The following LHFPL6 variants were observed in gnomAD, a reference collection of about 807,000 sequenced individuals.
LHFPL6 encodes LHFPL tetraspan subfamily member 6.
LHFPL6 carries 9 observed loss-of-function variants against 20.6 expected under a neutral mutation model. The ratio of observed to expected loss-of-function variants is 0.44; its 90% CI spans 0.26 to 0.76. The LOEUF (loss-of-function observed/expected upper bound fraction) is 0.76, where lower values mean the gene tolerates loss of function less well. Among genes scored for constraint, LHFPL6 ranks in the 30% least tolerant of loss-of-function variants. The pLI is 0.20. For missense variants in LHFPL6, 218 were observed against 253.5 expected (o/e 0.86, Z 0.95); for synonymous variants, 105 against 98.7 (o/e 1.06, Z -0.38).
At chr13:39,536,891 T>C (rs1162195922) in intron 2 of LHFPL6, among the ~76,000 whole-genome samples, 1 of 152,146 alleles carries the variant, frequency 6.6e-6, no homozygotes, top group Admixed American at 6.5e-5. Flanking sequence ...CAATGAAGCA[T>C]GATTTGTTAT....
At chr13:39,474,489 C>T (rs8002946) in intron 2 of LHFPL6, among the ~76,000 whole-genome samples, 19,879 of 151,972 alleles carry the variant, frequency 0.13, 2,705 homozygotes, top group African/African-American at 0.33. Flanking sequence ...ATATTGTTTT[C>T]CCCTTCAACT....
chr13:39,412,965 C>G (rs1053340255), intron 2 of LHFPL6, among the ~76,000 whole-genome samples: 1 of 151,586 alleles, frequency 6.6e-6, no homozygotes, highest in African/African-American at 2.4e-5. Context: ...AGCAAGGGAA[C>G]CTGAACCCAT....
intron 3 of LHFPL6, among the ~76,000 whole-genome samples, chr13:39,377,554 G>A (rs1356439216): frequency 6.6e-6 from 1 of 152,120 alleles, no homozygotes; most frequent in Non-Finnish European, 1.5e-5. Flanking sequence ...TAGACTAAAT[G>A]CCCAGCTAGA....
At chr13:39,375,268 C>G (rs904795739) in intron 3 of LHFPL6, among the ~76,000 whole-genome samples, 5 of 152,212 alleles carry the variant, frequency 3.3e-5, no homozygotes, top group Non-Finnish European at 5.9e-5. Flanking sequence ...TGCAGCCCAC[C>G]AGCTACAGTT....
intron 2 of LHFPL6, among the ~76,000 whole-genome samples, chr13:39,512,373 C>T (rs1198650496): frequency 1.3e-5 from 2 of 152,066 alleles, no homozygotes; most frequent in Non-Finnish European, 2.9e-5. Flanking sequence ...GAGGCGGAGG[C>T]GTGTGGATCA....
At chr13:39,561,959 T>A (rs961302571) in intron 2 of LHFPL6, among the ~76,000 whole-genome samples, 2 of 152,206 alleles carry the variant, frequency 1.3e-5, no homozygotes, top group Non-Finnish European at 2.9e-5. Flanking sequence ...CTAAAACTCA[T>A]ACATAGTCAA....
chr13:39,389,717 G>A (rs1333533082), intron 2 of LHFPL6, among the ~76,000 whole-genome samples: 1 of 152,152 alleles, frequency 6.6e-6, no homozygotes, highest in East Asian at 1.9e-4. Context: ...TGTTCTATAG[G>A]AGATCACTCA....
At chr13:39,488,108 G>A (rs1321247735) in intron 2 of LHFPL6, among the ~76,000 whole-genome samples, 4 of 152,032 alleles carry the variant, frequency 2.6e-5, no homozygotes, top group Admixed American at 2.6e-4. Context: ...TTCATGAACG[G>A]GATTAATGCC....
intron 2 of LHFPL6, among the ~76,000 whole-genome samples, chr13:39,590,291 C>T (rs991422458): frequency 1.3e-5 from 2 of 152,318 alleles, no homozygotes; most frequent in Middle Eastern, 3.4e-3. Context: ...TATTCCTCCC[C>T]ATTTTATCTG....
In LHFPL6 at chr13:39,526,760, T is replaced by A. The variant is rs140237110; in HGVS notation, c.385+74072A>T. Among the ~76,000 whole-genome samples, 22 of 152,346 alleles carry A rather than the reference T, an allele frequency of 1.4e-4. No homozygotes were observed. In the South Asian group the frequency reaches 1.7e-3, roughly 11 times the overall value. On this transcript the variant is annotated intron_variant, in intron 2 of 3. Coordinates refer to ENST00000379589, the MANE Select transcript of LHFPL6 (RefSeq NM_005780.3). ...CGAGCTACCTCCAGAGTAGGAATTA[T>A]AGCTACTGACATCACGTGCAACCTC...
At chr13:39,530,411 A>C (rs771984297) in intron 2 of LHFPL6, among the ~76,000 whole-genome samples, 1 of 152,094 alleles carries the variant, frequency 6.6e-6, no homozygotes, top group Non-Finnish European at 1.5e-5. Context: ...CTGGAGCACC[A>C]TATCTGCCTC....
At chr13:39,498,051 G>T (rs1208949296) in intron 2 of LHFPL6, among the ~76,000 whole-genome samples, 1 of 152,144 alleles carries the variant, frequency 6.6e-6, no homozygotes, top group East Asian at 1.9e-4. Flanking sequence ...TCAGTCACGA[G>T]ATTAAAAACC....
intron 2 of LHFPL6, among the ~76,000 whole-genome samples, chr13:39,532,741 G>A (rs1028497611): frequency 1.3e-5 from 2 of 152,076 alleles, no homozygotes; most frequent in African/African-American, 4.8e-5. Context: ...TCCAACTTAT[G>A]TTTAGAAGAA....
rs544179377 is a variant in LHFPL6, at chr13:39,514,066, G to GTTT, written c.385+86763_385+86765dup. ...AACCTGAGTGATGGAGTCAAAGAAG[G>GTTT]TTTTAGCTGAGGATCACGAGACCCA... is the stretch of plus-strand genomic sequence containing the variant. On this transcript the variant is annotated intron_variant, in intron 2 of 3. Coordinates refer to ENST00000379589, the MANE Select transcript of LHFPL6 (RefSeq NM_005780.3). Among the ~76,000 whole-genome samples the GTTT allele has an allele frequency of 1.8e-4, 27 of 152,182 alleles. No individual in the cohort carries two copies. The South Asian group carries it at 5.2e-3, about 29-fold the overall frequency.
In LHFPL6 at chr13:39,357,096, T is replaced by C. The variant is rs188593949; in HGVS notation, c.485-13042A>G. Among the ~76,000 whole-genome samples, 242 of 152,228 alleles carry C rather than the reference T, an allele frequency of 1.6e-3. 1 individual carries two copies. The highest frequency in any genetic ancestry group is 2.9e-3 in the Non-Finnish European group (198 of 68,002). ...CTGAGGTGACAGGATGGCTTGAACC[T>C]GGGAGGTGGAGGTAGCAGTGAGCCG... On this transcript the variant is annotated intron_variant, in intron 3 of 3. Transcript: ENST00000379589.
At chr13:39,512,854 T>C (rs1273132033) in intron 2 of LHFPL6, among the ~76,000 whole-genome samples, 2 of 152,230 alleles carry the variant, frequency 1.3e-5, no homozygotes, top group African/African-American at 4.8e-5. Flanking sequence ...CTGCCAGTTT[T>C]GTGCTAAGGC....
At chr13:39,491,132 T>C (rs1363889555) in intron 2 of LHFPL6, among the ~76,000 whole-genome samples, 1 of 152,160 alleles carries the variant, frequency 6.6e-6, no homozygotes, top group Non-Finnish European at 1.5e-5. Context: ...GAGAAACGTA[T>C]TTGCAAGAAG....
intron 2 of LHFPL6, among the ~76,000 whole-genome samples, chr13:39,489,045 T>C (rs1460092210): frequency 6.6e-6 from 1 of 152,184 alleles, no homozygotes; most frequent in Non-Finnish European, 1.5e-5. Context: ...CTGAACAATA[T>C]CATTTAAGGA....
At chr13:39,379,844 T>C (rs1341133165) in intron 2 of LHFPL6, among the ~76,000 whole-genome samples, 1 of 152,212 alleles carries the variant, frequency 6.6e-6, no homozygotes, top group African/African-American at 2.4e-5. Context: ...AAGGGCCTTC[T>C]ATATGCAAGG....
Sources: gnomAD v4.1 joint callset for allele counts (sites outside exome capture counted in the v4.1 genomes callset) on GRCh38, gnomAD v4.1.1 for gene constraint, MANE v1.5 for transcripts, NCBI Gene and HGNC (gene_info 2026-07-23, HGNC 2026-07-21) for gene names.